SDHAF3: variants seen among roughly 807,000 people sequenced by gnomAD.
SDHAF3 encodes succinate dehydrogenase complex assembly factor 3.
Under a neutral mutation model 11.5 loss-of-function variants are expected in SDHAF3, and 18 were observed. The ratio of observed to expected loss-of-function variants is 1.56; its 90% CI spans 1.08 to 2.32. The LOEUF is 2.32. Ranked by LOEUF, SDHAF3 falls within the 30% of genes most tolerant of loss-of-function variation. SDHAF3 has a pLI of 0.00. For missense variants in SDHAF3, 200 were observed against 154.4 expected (o/e 1.30, Z -1.57); for synonymous variants, 72 against 59.3 (o/e 1.21, Z -0.99).
intron 1 of SDHAF3, among the ~76,000 whole-genome samples, chr7:97,180,670 C>T (rs988402776): frequency 2.6e-5 from 4 of 152,122 alleles, no homozygotes; most frequent in African/African-American, 7.2e-5. Context: ...AAAGCTATGG[C>T]CCCAGAAATG....
At position 97,132,056 on chromosome 7, in the gene SDHAF3, G is replaced by C. The variant is rs1422966370; in HGVS notation, c.174+14159G>C. On this transcript the variant is annotated intron_variant, in intron 1 of 1. Transcript: ENST00000432641. The stretch of plus-strand genomic sequence containing the variant: ...TCTTCTGTGTACCTCAGATTTTCTT[G>C]ATTATCTGTAAAAATCAGGTGTTAC... Among the ~76,000 whole-genome samples, 3 of 152,054 alleles carry C rather than the reference G, an allele frequency of 2.0e-5. No homozygotes were observed. The East Asian group carries it at 5.8e-4, about 29-fold the overall frequency.
chr7:97,163,909 G>A (rs934549388), intron 1 of SDHAF3, among the ~76,000 whole-genome samples: 12 of 151,886 alleles, frequency 7.9e-5, no homozygotes, highest in South Asian at 2.1e-4. Context: ...CTCCACTTAC[G>A]AAGTTTAGTT....
chr7:97,117,955 T>A, intron 1 of SDHAF3, 58 bp downstream of exon 1: 1 of 1,585,564 alleles, frequency 6.3e-7, no homozygotes, highest in Non-Finnish European at 8.6e-7. Flanking sequence ...GTGTCCAGGT[T>A]TCTAGTTCCA....
intron 1 of SDHAF3, among the ~76,000 whole-genome samples, chr7:97,174,124 G>A (rs1234369690): frequency 6.6e-6 from 1 of 151,436 alleles, no homozygotes; most frequent in Non-Finnish European, 1.5e-5. Flanking sequence ...TCACCATGTT[G>A]GCCAGGCTGG....
Position 97,117,764 on chromosome 7 carries a change from A to C in SDHAF3, c.41A>C (p.Lys14Thr), listed in dbSNP as rs754390024. Reference protein sequence around the residue: ...RHVSRVRALYKRVLQLHRVLP... With the variant: ...RHVSRVRALYTRVLQLHRVLP... ...GTTTCTCGAGTCCGGGCATTGTACA[A>C]GCGCGTCTTGCAGCTGCACCGTGTT... Residue 14 changes from lysine to threonine, a missense_variant, in exon 1 of 2, where the codon AAG (lysine) becomes ACG (threonine). By Grantham distance (78) the Lys-to-Thr change is moderately conservative. Coordinates refer to ENST00000432641, the MANE Select transcript of SDHAF3 (RefSeq NM_020186.3). 5 of 1,614,150 alleles carry C rather than the reference A, an allele frequency of 3.1e-6. No homozygotes were observed. Among genetic ancestry groups the C allele is most frequent in the Non-Finnish European group, 4.2e-6 (5 of 1,180,020 alleles).
At chr7:97,135,441 AC>A (rs1374934150) in intron 1 of SDHAF3, 1 of 151,920 alleles carries the variant, frequency 6.6e-6, no homozygotes, top group Non-Finnish European at 1.5e-5. Context: ...CTTCTTAAAA[AC>A]CTGCAACACT....
intron 1 of SDHAF3, among the ~76,000 whole-genome samples, chr7:97,131,256 A>G (rs945882942): frequency 6.6e-6 from 1 of 152,100 alleles, no homozygotes; most frequent in Non-Finnish European, 1.5e-5. Flanking sequence ...TTCAGTTTTT[A>G]TATTTTTCCT....
intron 1 of SDHAF3, among the ~76,000 whole-genome samples, chr7:97,133,603 ATT>A (rs1791702701): frequency 6.6e-6 from 1 of 152,110 alleles, no homozygotes; most frequent in African/African-American, 2.4e-5. Context: ...TTGAGGTATT[ATT>A]GTTACTATTA....
intron 1 of SDHAF3, among the ~76,000 whole-genome samples, chr7:97,138,098 G>A (rs1240777930): frequency 2.0e-5 from 3 of 151,308 alleles, no homozygotes; most frequent in African/African-American, 7.3e-5. Context: ...GACCTCAAGT[G>A]ATCCACCCGC....
chr7:97,127,060 C>T (rs985793584), intron 1 of SDHAF3, among the ~76,000 whole-genome samples: 4 of 152,176 alleles, frequency 2.6e-5, no homozygotes, highest in African/African-American at 4.8e-5. Flanking sequence ...CTCACCTCCC[C>T]GCAACTCCTT....
At position 97,117,781 on chromosome 7, in the gene SDHAF3, C is replaced by T. The variant is rs1017772730; in HGVS notation, c.58C>T (p.His20Tyr). 1.2e-6 allele frequency: 2 copies of T among 1,614,122 alleles called. No homozygotes were observed. The highest frequency in any genetic ancestry group is 1.3e-5 in the African/African-American group (1 of 74,952). ...RALYKRVLQL[H>Y]RVLPPDLKSL... ...ATTGTACAAGCGCGTCTTGCAGCTG[C>T]ACCGTGTTCTGCCCCCGGACCTCAA... is the stretch of plus-strand genomic sequence containing the variant. The change falls in exon 1 of 2, where the codon CAC becomes TAC. Residue 20 changes from histidine (H) to tyrosine (Y), a missense_variant. Coordinates refer to ENST00000432641, the MANE Select transcript of SDHAF3 (RefSeq NM_020186.3).
At chr7:97,138,257 A>G (rs1268597587) in intron 1 of SDHAF3, among the ~76,000 whole-genome samples, 1 of 150,174 alleles carries the variant, frequency 6.7e-6, no homozygotes, top group Admixed American at 6.6e-5. Flanking sequence ...CCTCCCACGT[A>G]TAAGCAATTC....
intron 1 of SDHAF3, chr7:97,135,637 CGT>C (rs56102126): frequency 0.21 from 18,220 of 84,954 alleles, 2,637 homozygotes; most frequent in Non-Finnish European, 0.25. Context: ...TATGTGCGTG[CGT>C]GTGTGTGTGT....
chr7:97,134,683 A>G (rs535210533), intron 1 of SDHAF3, among the ~76,000 whole-genome samples: 1 of 152,252 alleles, frequency 6.6e-6, no homozygotes, highest in South Asian at 2.1e-4. Flanking sequence ...CTGACCTCAG[A>G]TGACCCGTCT....
chr7:97,123,936 G>T lies in SDHAF3; in HGVS notation c.174+6039G>T, dbSNP rs181379874. On this transcript the variant is annotated intron_variant, in intron 1 of 1. Transcript: ENST00000432641. ...GGATAGATTGCAAAAATTTTCTCCC[G>T]TTCTGTAGGTTGCCTGTTCACTCTG... Among the ~76,000 whole-genome samples, 91 of 151,220 alleles carry T rather than the reference G, an allele frequency of 6.0e-4. 1 individual carries two copies. In the East Asian group the frequency reaches 0.016, roughly 27 times the overall value.
chr7:97,171,888 A>G (rs1467844159), intron 1 of SDHAF3, among the ~76,000 whole-genome samples: 1 of 152,056 alleles, frequency 6.6e-6, no homozygotes, highest in Non-Finnish European at 1.5e-5. Flanking sequence ...TTTCTTTTTT[A>G]AAGCTTGTGT....
intron 1 of SDHAF3, among the ~76,000 whole-genome samples, chr7:97,151,112 G>T (rs1359297688): frequency 6.6e-6 from 1 of 152,092 alleles, no homozygotes; most frequent in East Asian, 1.9e-4. Context: ...TAGTACATTT[G>T]TTACAATAGA....
chr7:97,126,857 A>C lies in SDHAF3; in HGVS notation c.174+8960A>C, dbSNP rs906842983. Among the ~76,000 whole-genome samples, 7 of 151,792 alleles carry C rather than the reference A, an allele frequency of 4.6e-5. No individual in the cohort carries two copies. In the East Asian group the frequency reaches 1.2e-3, roughly 25 times the overall value. ...CCACTGGAGTACCGAAAAAAAAAAA[A>C]AAAAACCCTGCAGCTAGCTCGGTGT... On this transcript the variant is annotated intron_variant, in intron 1 of 1. Coordinates refer to ENST00000432641, the MANE Select transcript of SDHAF3 (RefSeq NM_020186.3).
At chr7:97,176,653 G>C (rs565771598) in intron 1 of SDHAF3, among the ~76,000 whole-genome samples, 1 of 152,238 alleles carries the variant, frequency 6.6e-6, no homozygotes, top group African/African-American at 2.4e-5. Flanking sequence ...ACGGGCGAAA[G>C]GTTGGGTTTT....
Sources: gnomAD v4.1 joint callset for allele counts (sites outside exome capture counted in the v4.1 genomes callset) on GRCh38, gnomAD v4.1.1 for gene constraint, MANE v1.5 for transcripts, NCBI Gene and HGNC (gene_info 2026-07-23, HGNC 2026-07-21) for gene names.